Variants in KAZN observed in about 807,000 individuals in gnomAD.
KAZN encodes kazrin, periplakin interacting protein.
In KAZN, 40 loss-of-function variants were observed where a neutral mutation model predicts 87.4. The observed-to-expected ratio is 0.46, with a 90% CI of 0.36 to 0.60. KAZN has a LOEUF of 0.60. Among genes scored for constraint, KAZN ranks in the 20% least tolerant of loss-of-function variants. The pLI, the probability that KAZN is intolerant of heterozygous loss-of-function variation, is 0.00. For missense variants in KAZN, 898 were observed against 1,073.9 expected (o/e 0.84, Z 2.29); for synonymous variants, 466 against 458.3 (o/e 1.02, Z -0.22).
chr1:14,566,204 A>C (rs1261425231), intron 2 of KAZN, among the ~76,000 whole-genome samples: 1 of 152,234 alleles, frequency 6.6e-6, no homozygotes, highest in East Asian at 1.9e-4. Flanking sequence ...CTGTGTTAGC[A>C]GGTATGAAAA....
intron 2 of KAZN, among the ~76,000 whole-genome samples, chr1:14,514,598 T>TA (rs1671190465): frequency 3.6e-4 from 11 of 30,876 alleles, no homozygotes; most frequent in African/African-American, 2.2e-3. Flanking sequence ...TTATATTTTA[T>TA]ATATATATAT....
At chr1:14,347,461 C>A (rs74057192) in intron 2 of KAZN, among the ~76,000 whole-genome samples, 3,519 of 152,234 alleles carry the variant, frequency 0.023, 132 homozygotes, top group African/African-American at 0.079. Flanking sequence ...ATTCCAAGAT[C>A]CACCCGGGTC....
At chr1:15,054,735 T>G (rs1181688726) in intron 4 of KAZN, among the ~76,000 whole-genome samples, 1 of 152,098 alleles carries the variant, frequency 6.6e-6, no homozygotes, top group African/African-American at 2.4e-5. Context: ...CCAAAAGAAT[T>G]TGAGATCACT....
At chr1:14,977,996 G>A (rs1046767630) in intron 2 of KAZN, among the ~76,000 whole-genome samples, 1 of 148,112 alleles carries the variant, frequency 6.8e-6, no homozygotes, top group Admixed American at 6.9e-5. Flanking sequence ...TGGTTCAAGC[G>A]ATTCTCCTGC....
chr1:14,604,547 C>G (rs890224171), intron 1 of KAZN, among the ~76,000 whole-genome samples: 1 of 152,164 alleles, frequency 6.6e-6, no homozygotes, highest in Non-Finnish European at 1.5e-5. Context: ...GTGGTGGAGG[C>G]GAGGTTGTGC....
chr1:13,991,460 A>G (rs1021308595), intron 1 of KAZN, among the ~76,000 whole-genome samples: 1 of 152,126 alleles, frequency 6.6e-6, no homozygotes, highest in Non-Finnish European at 1.5e-5. Flanking sequence ...GGGGAAAAAA[A>G]GAAAATGTAG....
At chr1:14,764,477 CT>C (rs927604009) in intron 1 of KAZN, among the ~76,000 whole-genome samples, 5 of 146,962 alleles carry the variant, frequency 3.4e-5, no homozygotes, top group East Asian at 2.0e-4. Flanking sequence ...TCATCATATT[CT>C]TTGTTATCCG....
Position 15,099,111 on chromosome 1 carries a change from A to G in KAZN, c.1548-2432A>G, listed in dbSNP as rs542803231. Among the ~76,000 whole-genome samples, 1 of 152,064 alleles carries G rather than the reference A, an allele frequency of 6.6e-6. No homozygotes were observed. The highest frequency in any genetic ancestry group is 1.5e-5 in the Non-Finnish European group (1 of 67,996). On this transcript the variant is annotated intron_variant, in intron 10 of 14. Transcript: ENST00000376030. This position sits in a 1 kb window ranked among gnomAD's most constrained non-coding sequence, Gnocchi z 5.4. ...AGAGTCCATAGGAGTTCACTGGGGG[A>G]AGAGGGTGGGGTAGAGGACAGGCCC... is the stretch of plus-strand genomic sequence containing the variant.
intron 2 of KAZN, among the ~76,000 whole-genome samples, chr1:14,531,511 T>A (rs1424713128): frequency 6.6e-6 from 1 of 152,066 alleles, no homozygotes; most frequent in Non-Finnish European, 1.5e-5. Context: ...GGGTCTTGGC[T>A]TTGGGAAGGC....
At chr1:13,963,821 A>G (rs72873321) in intron 1 of KAZN, among the ~76,000 whole-genome samples, 1,858 of 150,800 alleles carry the variant, frequency 0.012, 42 homozygotes, top group African/African-American at 0.042. Flanking sequence ...AGTGGATGAC[A>G]GGGCAGTATA....
At chr1:14,931,088 C>T (rs1659761199) in intron 1 of KAZN, among the ~76,000 whole-genome samples, 1 of 152,128 alleles carries the variant, frequency 6.6e-6, no homozygotes, top group Admixed American at 6.5e-5. Flanking sequence ...GGGAAGGGAC[C>T]ATACTCCAGG....
rs148044991 is a variant in KAZN, at chr1:15,051,964, C to T, written c.727-4127C>T. Among the ~76,000 whole-genome samples, 655 of 152,238 alleles carry T rather than the reference C, an allele frequency of 4.3e-3. 3 individuals carry two copies. Among genetic ancestry groups the T allele is most frequent in the South Asian group, 0.042 (205 of 4,824 alleles). On this transcript the variant is annotated intron_variant, in intron 4 of 14. Transcript: ENST00000376030. ...TGCATTTGTGTCAAGTTAACAATTC[C>T]CAGGAGCTTGACGTTCCAAGTTCTG... is the stretch of plus-strand genomic sequence containing the variant.
chr1:14,369,048 T>C (rs190004914), intron 2 of KAZN, among the ~76,000 whole-genome samples: 1 of 152,308 alleles, frequency 6.6e-6, no homozygotes, highest in Admixed American at 6.5e-5. Flanking sequence ...ATAAATAGTA[T>C]TGACTTTCAT....
chr1:14,475,048 TTGGA>T (rs766433668), intron 2 of KAZN, among the ~76,000 whole-genome samples: 4 of 151,620 alleles, frequency 2.6e-5, no homozygotes, highest in African/African-American at 4.8e-5. Flanking sequence ...TAGATGGATA[TTGGA>T]TGGATGGATG....
chr1:14,822,099 A>G (rs1351559986), intron 1 of KAZN, among the ~76,000 whole-genome samples: 1 of 152,212 alleles, frequency 6.6e-6, no homozygotes, highest in Non-Finnish European at 1.5e-5. Context: ...CCCCACCTCC[A>G]CAACAGCGAC....
chr1:14,564,102 T>C (rs1016281271), intron 2 of KAZN, among the ~76,000 whole-genome samples: 9 of 151,920 alleles, frequency 5.9e-5, no homozygotes, highest in East Asian at 2.0e-4. Flanking sequence ...CTCCTTAACA[T>C]GGCATCTGAG....
At chr1:14,436,734 A>AAAAAAAAAAAAAACAAAAAC (rs563539375) in intron 2 of KAZN, among the ~76,000 whole-genome samples, 10 of 137,368 alleles carry the variant, frequency 7.3e-5, no homozygotes, top group South Asian at 2.3e-4. Context: ...AAAAAAAAAA[A>AAAAAAAAAAAAAACAAAAAC]AAAACCTTAA....
chr1:13,988,796 G>C (rs1362645886), intron 1 of KAZN, among the ~76,000 whole-genome samples: 1 of 152,084 alleles, frequency 6.6e-6, no homozygotes, highest in Non-Finnish European at 1.5e-5. Flanking sequence ...AATATGTTTT[G>C]GGGTCACTAA....
intron 2 of KAZN, among the ~76,000 whole-genome samples, chr1:14,476,796 A>G (rs546840067): frequency 3.9e-5 from 6 of 152,298 alleles, no homozygotes; most frequent in South Asian, 2.1e-4. Context: ...CTGCACCCAC[A>G]GGATCTGATT....
Sources: allele counts gnomAD v4.1 joint callset (sites outside exome capture counted in the v4.1 genomes callset), GRCh38; gene constraint gnomAD v4.1.1; non-coding constraint Gnocchi (gnomAD v3.1); transcripts MANE v1.5; gene names NCBI Gene and HGNC (gene_info 2026-07-23, HGNC 2026-07-21).